The following NPAS2 variants were observed in gnomAD, a reference collection of about 807,000 sequenced individuals.
NPAS2 encodes neuronal PAS domain protein 2, also known as neuronal PAS domain-containing protein 2.
In NPAS2, 23 loss-of-function variants were observed where a neutral mutation model predicts 107.5. The observed-to-expected ratio is 0.21, with a 90% confidence interval of 0.15 to 0.30. The LOEUF (loss-of-function observed/expected upper bound fraction) is 0.30, where lower values mean the gene tolerates loss of function less well. Among genes scored for constraint, NPAS2 ranks in the 10% least tolerant of loss-of-function variants. NPAS2 has a pLI of 1.00. For missense variants in NPAS2, 756 were observed against 1,043.3 expected, an observed-to-expected ratio of 0.72 and a Z score of 3.79; for synonymous variants, 403 against 417.5, an observed-to-expected ratio of 0.97 and a Z score of 0.42.
chr2:100,991,040 A>C (rs1678087772), intron 19 of NPAS2, among the ~76,000 whole-genome samples, 168 bp downstream of exon 19: 1 of 152,104 alleles, frequency 6.6e-6, no homozygotes, highest in Non-Finnish European at 1.5e-5. Context: ...CTTTTCTTCT[A>C]CCGTGTCCCA....
intron 7 of NPAS2, among the ~76,000 whole-genome samples, chr2:100,963,294 T>A (rs1676019444): frequency 6.6e-6 from 1 of 152,228 alleles, no homozygotes; most frequent in Non-Finnish European, 1.5e-5. Flanking sequence ...CCTGGGACCA[T>A]CAGTATCAGG....
chr2:100,963,979 C>A, intron 7 of NPAS2, 79 bp from the exon 8 acceptor site: 1 of 841,342 alleles, frequency 1.2e-6, no homozygotes, highest in East Asian at 2.4e-5. Context: ...GCTTGGCTTA[C>A]AGTTAAGTGC....
chr2:100,993,206 T>TA lies in NPAS2; in HGVS notation c.2112-140dup, dbSNP rs906407770. 3 of 688,278 alleles carry TA rather than the reference T, an allele frequency of 4.4e-6. No homozygotes were observed. The African/African-American group carries it at 5.5e-5, about 13-fold the overall frequency. 42.6% of individuals were successfully genotyped at this position (688,278 alleles called of 1,614,324 possible). ...CCTCGGCCTCCCAAAGTGCTGGGAT[T>TA]ACAGGCATGAGCCACCGCGCCTGGC... is the stretch of plus-strand genomic sequence containing the variant. On this transcript the variant is annotated intron_variant, in intron 19 of 20. Transcript: ENST00000335681.
chr2:100,979,944 TTC>T (rs1677332345), intron 15 of NPAS2, among the ~76,000 whole-genome samples: 1 of 152,204 alleles, frequency 6.6e-6, no homozygotes, highest in South Asian at 2.1e-4. Flanking sequence ...TCTGGGATTT[TTC>T]TCTCACTCCC....
intron 2 of NPAS2, among the ~76,000 whole-genome samples, chr2:100,910,153 G>A (rs146224972): frequency 5.9e-5 from 9 of 152,308 alleles, no homozygotes; most frequent in African/African-American, 2.2e-4. Flanking sequence ...GAAAAGAGAT[G>A]ATCAGGAATG....
At chr2:100,828,635 C>G (rs1413380884) in intron 1 of NPAS2, among the ~76,000 whole-genome samples, 1 of 150,312 alleles carries the variant, frequency 6.7e-6, no homozygotes, top group South Asian at 2.1e-4. Context: ...TATCCTAGCC[C>G]CATTTACTGA....
At chr2:100,992,039 C>G (rs963294029) in intron 19 of NPAS2, among the ~76,000 whole-genome samples, 2 of 152,170 alleles carry the variant, frequency 1.3e-5, no homozygotes, top group African/African-American at 4.8e-5. Flanking sequence ...CTGTAAAGTT[C>G]CGTTCATGTC....
chr2:100,902,688 A>C (rs774661414), intron 1 of NPAS2, among the ~76,000 whole-genome samples: 5 of 152,246 alleles, frequency 3.3e-5, no homozygotes, highest in African/African-American at 9.6e-5. Context: ...GGCACTCAGC[A>C]GTGGTTAAGA....
At chr2:100,970,415 T>G (rs1212780234) in intron 11 of NPAS2, among the ~76,000 whole-genome samples, 1 of 152,226 alleles carries the variant, frequency 6.6e-6, no homozygotes, top group Admixed American at 6.5e-5. Context: ...CCCCAGGGTC[T>G]CCACACTCGG....
intron 1 of NPAS2, among the ~76,000 whole-genome samples, chr2:100,867,825 G>A (rs762137343): frequency 6.6e-6 from 1 of 152,102 alleles, no homozygotes; most frequent in Non-Finnish European, 1.5e-5. Context: ...ACAGACATGA[G>A]CCACTGTGCT....
Position 100,862,040 on chromosome 2 carries a change from A to G in NPAS2, c.-23+41626A>G, listed in dbSNP as rs373558537. ...TAAAATCTTTGCTGTCAAAAAATACATTATGTCAAAATTAAAATTGATAAG... is the reference window on the plus strand; with the variant it reads ...TAAAATCTTTGCTGTCAAAAAATACGTTATGTCAAAATTAAAATTGATAAG... On this transcript the variant is annotated intron_variant, in intron 1 of 20. Coordinates refer to ENST00000335681, the MANE Select transcript of NPAS2 (RefSeq NM_002518.4). Among the ~76,000 whole-genome samples the G allele has an allele frequency of 2.6e-5, 4 of 152,240 alleles. No individual in the cohort carries two copies. The East Asian group carries it at 5.8e-4, about 22-fold the overall frequency.
chr2:100,972,841 G>A (rs895834263), intron 12 of NPAS2: 1 of 152,236 alleles, frequency 6.6e-6, no homozygotes, highest in African/African-American at 2.4e-5. Context: ...GAGTCCTGGA[G>A]CCCTGCGAAA....
intron 1 of NPAS2, among the ~76,000 whole-genome samples, chr2:100,838,603 G>A (rs963400108): frequency 6.6e-6 from 1 of 152,214 alleles, no homozygotes; most frequent in African/African-American, 2.4e-5. Flanking sequence ...GATTTGCATA[G>A]TCAGTACGCT....
chr2:100,965,816 T>C lies in NPAS2; in HGVS notation c.907+50T>C. ...CATGGGGGCCTTGCGTTCACTCCAC[T>C]GGGGCCCAGCAGCAGGGCTCTGGGA... On this transcript the variant is annotated intron_variant, in intron 10 of 20. Transcript: ENST00000335681. This position sits in a 1 kb window ranked among gnomAD's most constrained non-coding sequence, Gnocchi z 4.3. 1 of 1,206,720 alleles carries C rather than the reference T, an allele frequency of 8.3e-7. No homozygotes were observed. The highest frequency in any genetic ancestry group is 1.2e-6 in the Non-Finnish European group (1 of 818,200). The allele number at this position is 1,206,720 out of a possible 1,614,324, so 74.8% of individuals were successfully genotyped here. A position where few individuals can be genotyped will look rare whatever the true frequency, so the allele number is the denominator to read the frequency against.
Position 100,921,957 on chromosome 2 carries a change from G to T in NPAS2, c.33-3189G>T, listed in dbSNP as rs547659878. On this transcript the variant is annotated intron_variant, in intron 2 of 20. Transcript: ENST00000335681. Reference sequence around the variant, plus strand: ...TTGTGGCATATTCATACACAGGAATGCTAGTCATCAGGAAAAAGGAATGGG... The same window carrying T: ...TTGTGGCATATTCATACACAGGAATTCTAGTCATCAGGAAAAAGGAATGGG... Among the ~76,000 whole-genome samples, 12 of 152,322 alleles carry T rather than the reference G, an allele frequency of 7.9e-5. No individual in the cohort carries two copies. In the South Asian group the frequency reaches 2.5e-3, roughly 32 times the overall value.
At chr2:100,907,422 A>G in intron 2 of NPAS2, among the ~76,000 whole-genome samples, 1 of 151,560 alleles carries the variant, frequency 6.6e-6, no homozygotes, top group African/African-American at 2.4e-5. Flanking sequence ...CAGATGGAAA[A>G]AGGAGTTTAG....
intron 15 of NPAS2, 87 bp downstream of exon 15, chr2:100,977,886 C>A: frequency 1.8e-6 from 2 of 1,137,354 alleles, no homozygotes; most frequent in Non-Finnish European, 2.6e-6. Context: ...ACTTAGGTCC[C>A]AACCAAGGCC....
intron 2 of NPAS2, among the ~76,000 whole-genome samples, chr2:100,924,054 A>G (rs1051598303): frequency 1.3e-5 from 2 of 152,154 alleles, no homozygotes; most frequent in African/African-American, 4.8e-5. Context: ...ATAAGTGTGC[A>G]GCACAGGGTG....
At chr2:100,959,834 G>A (rs749787657) in intron 7 of NPAS2, among the ~76,000 whole-genome samples, 2 of 152,320 alleles carry the variant, frequency 1.3e-5, no homozygotes, top group Non-Finnish European at 2.9e-5. Flanking sequence ...GGTCGTCTCT[G>A]ATGAGAATAC....
Sources: allele counts gnomAD v4.1 joint callset (sites outside exome capture counted in the v4.1 genomes callset), GRCh38; gene constraint gnomAD v4.1.1; non-coding constraint Gnocchi (gnomAD v3.1); transcripts MANE v1.5; gene names NCBI Gene and HGNC (gene_info 2026-07-23, HGNC 2026-07-21).